DSG4: variants seen among roughly 807,000 people sequenced by gnomAD.
DSG4 encodes the protein desmoglein-4.
Under a neutral mutation model 93.1 loss-of-function variants are expected in DSG4, and 87 were observed. The observed-to-expected ratio is 0.93, with a 90% confidence interval of 0.79 to 1.12. The LOEUF is 1.12. DSG4 is among the 50% of genes most tolerant of loss of function. The probability of loss-of-function intolerance (pLI) is 0.00; values close to 1 mark genes in which losing one functional copy is unlikely to be tolerated. For missense variants in DSG4, 1,373 were observed against 1,285.7 expected (o/e 1.07, Z -1.04); for synonymous variants, 432 against 452.9 (o/e 0.95, Z 0.59).
rs113413186 is a variant in DSG4, at chr18:31,409,762, T to G, written c.2091T>G (p.Cys697Trp). The G allele has an allele frequency of 2.8e-5, 46 of 1,614,228 alleles. 1 individual carries two copies. The African/African-American group carries it at 3.3e-4, about 12-fold the overall frequency. ...HPEDRDVSNI[C>W]APMTASNTQD... ...CTTTTCAGGATGTGTCAAATATATGTGCACCCATGACAGCCTCAAATACCC... is the reference window on the plus strand; with the variant it reads ...CTTTTCAGGATGTGTCAAATATATGGGCACCCATGACAGCCTCAAATACCC... The change falls in exon 14 of 16, where the codon TGT (cysteine) becomes TGG (tryptophan). Residue 697 changes from cysteine (C) to tryptophan (W), a missense_variant. By Grantham distance (215) the Cys-to-Trp change is radical. Transcript: ENST00000308128.
chr18:31,411,189 A>T (rs373052321), intron 14 of DSG4, 42 bp from the exon 15 acceptor site: 2 of 1,614,158 alleles, frequency 1.2e-6, no homozygotes, highest in African/African-American at 2.7e-5. Context: ...TGCGCGCTGC[A>T]GGCAACTCCA....
At chr18:31,388,226 G>A in intron 3 of DSG4, 141 bp from the exon 4 acceptor site, 1 of 891,342 alleles carries the variant, frequency 1.1e-6, no homozygotes, top group Admixed American at 2.2e-5. Flanking sequence ...AATTTTCCAG[G>A]GTCACACAGG....
intron 8 of DSG4, among the ~76,000 whole-genome samples, chr18:31,398,448 T>G (rs1457683135): frequency 6.6e-6 from 1 of 152,246 alleles, no homozygotes; most frequent in Non-Finnish European, 1.5e-5. Context: ...AGCAGAGATT[T>G]ACCTCACAGA....
chr18:31,399,576 T>C (rs2144196008), intron 9 of DSG4, 33 bp downstream of exon 9: 1 of 1,613,260 alleles, frequency 6.2e-7, no homozygotes, highest in East Asian at 2.2e-5. Flanking sequence ...GTTCTATGGT[T>C]CTATCCAGTG....
At chr18:31,389,758 G>T (rs528153409) in intron 5 of DSG4, among the ~76,000 whole-genome samples, 133 of 152,132 alleles carry the variant, frequency 8.7e-4, no homozygotes, top group South Asian at 2.1e-3. Context: ...AAACAAATTT[G>T]GGGGGAAATA....
intron 1 of DSG4, among the ~76,000 whole-genome samples, chr18:31,379,305 A>G (rs1487856982): frequency 6.6e-6 from 1 of 152,192 alleles, no homozygotes; most frequent in Non-Finnish European, 1.5e-5. Context: ...GTATGGTTAG[A>G]CATGATGTTA....
chr18:31,413,453 A>C lies in DSG4; in HGVS notation c.2981A>C (p.Asn994Thr). ...EGCMGPVMSG[N>T]ILVGPEIQVM... is the part of the protein sequence containing the mutation. ...TGTATGGGACCTGTGATGAGCGGCA[A>C]TATTTTAGTAGGGCCAGAAATTCAA... is the stretch of plus-strand genomic sequence containing the variant. The change falls in exon 16 of 16, where the codon AAT (asparagine) becomes ACT (threonine). Residue 994 changes from asparagine to threonine, a missense_variant. Coordinates refer to ENST00000308128, the MANE Select transcript of DSG4 (RefSeq NM_177986.5). The C allele has an allele frequency of 6.2e-7, 1 of 1,612,270 alleles. No homozygotes were observed. The highest frequency in any genetic ancestry group is 8.5e-7 in the Non-Finnish European group (1 of 1,178,502).
chr18:31,392,401 A>G (rs1433356972), intron 8 of DSG4, 61 bp downstream of exon 8: 12 of 1,549,020 alleles, frequency 7.7e-6, no homozygotes, highest in Non-Finnish European at 1.1e-5. Flanking sequence ...GAAGTTTTAA[A>G]TGACCTTAGA....
intron 8 of DSG4, among the ~76,000 whole-genome samples, chr18:31,393,291 C>G (rs995959200): frequency 3.9e-5 from 6 of 152,134 alleles, no homozygotes; most frequent in African/African-American, 1.4e-4. Context: ...TTTCTCTATT[C>G]AAGCACATAA....
Position 31,401,057 on chromosome 18 carries a change from G to A in DSG4, c.1417+37G>A, listed in dbSNP as rs780650161. Reference sequence around the variant, plus strand: ...TATTTTCAGTATTTTAAGAAAACTAGTACTATTATATTAAATATTATGTTA... The same window carrying A: ...TATTTTCAGTATTTTAAGAAAACTAATACTATTATATTAAATATTATGTTA... On this transcript the variant is annotated intron_variant, in intron 10 of 15. Coordinates refer to ENST00000308128, the MANE Select transcript of DSG4 (RefSeq NM_177986.5). 6.7e-6 allele frequency: 10 copies of A among 1,491,874 alleles called. No homozygotes were observed. In the East Asian group the frequency reaches 2.1e-4, roughly 31 times the overall value. The allele number at this position is 1,491,874 out of a possible 1,614,324, so 92.4% of individuals were successfully genotyped here. A position where few individuals can be genotyped will look rare whatever the true frequency, so the allele number is the denominator to read the frequency against.
Position 31,400,876 on chromosome 18 carries a change from AAC to A in DSG4, c.1278-3_1278-2del, listed in dbSNP as rs770896800. 1 of 1,611,608 alleles carries A rather than the reference AAC, an allele frequency of 6.2e-7. No individual in the cohort carries two copies. Among genetic ancestry groups the A allele is most frequent in the East Asian group, 2.2e-5 (1 of 44,716 alleles). On this transcript the variant is annotated splice_region_variant and splice_polypyrimidine_tract_variant and intron_variant, in intron 9 of 15. Coordinates refer to ENST00000308128, the MANE Select transcript of DSG4 (RefSeq NM_177986.5). ...ATGATAACGAACTTTTTTATTTAAA[AAC>A]AGATATATCATAGGGCATGATGCAG...
At chr18:31,405,156 A>G (rs924789906) in intron 11 of DSG4, among the ~76,000 whole-genome samples, 7 of 152,240 alleles carry the variant, frequency 4.6e-5, no homozygotes, top group Non-Finnish European at 8.8e-5. Flanking sequence ...GCTATGGATC[A>G]ATCAGTTACT....
At chr18:31,386,973 A>G (rs944200566) in intron 3 of DSG4, among the ~76,000 whole-genome samples, 154 bp downstream of exon 3, 1 of 152,152 alleles carries the variant, frequency 6.6e-6, no homozygotes, top group Non-Finnish European at 1.5e-5. Flanking sequence ...TTTGAATATC[A>G]TGTGCAGGGA....
At chr18:31,400,174 C>G (rs559481963) in intron 9 of DSG4, among the ~76,000 whole-genome samples, 18 of 152,148 alleles carry the variant, frequency 1.2e-4, no homozygotes, top group Non-Finnish European at 2.4e-4. Context: ...TCTCTATCTC[C>G]TTTTCTTCTT....
In DSG4 at chr18:31,399,463, A is replaced by ATTCAATAAG; in HGVS notation, c.1197_1198insTTCAATAAG (p.Lys399_Gly400insPheAsnLys). 1.9e-6 allele frequency: 3 copies of ATTCAATAAG among 1,614,116 alleles called. No homozygotes were observed. Among genetic ancestry groups the ATTCAATAAG allele is most frequent in the Non-Finnish European group, 2.5e-6 (3 of 1,179,962 alleles). On this transcript the variant is annotated inframe_insertion, in exon 9 of 16. Coordinates refer to ENST00000308128, the MANE Select transcript of DSG4 (RefSeq NM_177986.5). ...CTTTTAGTGTGCGGGAAGGAATAAA[A>ATTCAATAAG]GGAAGTTCCTTATTGAATTATGTGC...
rs150566532 is a variant in DSG4, at chr18:31,384,052, A to G, written c.49-1084A>G. The stretch of plus-strand genomic sequence containing the variant: ...CTCTGCTACCAGAAAAAAAATTCCA[A>G]TGTCATCTATTAATATGAACAAGTT... On this transcript the variant is annotated intron_variant, in intron 1 of 15. Coordinates refer to ENST00000308128, the MANE Select transcript of DSG4 (RefSeq NM_177986.5). Among the ~76,000 whole-genome samples, 247 of 152,316 alleles carry G rather than the reference A, an allele frequency of 1.6e-3. 1 individual carries two copies. Among genetic ancestry groups the G allele is most frequent in the African/African-American group, 5.8e-3 (243 of 41,584 alleles).
rs536788516 is a variant in DSG4 at position 31,382,975 on chromosome 18, G to A, written c.49-2161G>A. 2.6e-5 allele frequency among the ~76,000 whole-genome samples: 4 copies of A among 152,288 alleles called. No individual in the cohort carries two copies. The East Asian group carries it at 5.8e-4, about 22-fold the overall frequency. ...AGAAAGGATAAGACCAAGGTAAAAT[G>A]AACTCAAAACTCCTCATCCGTTTAA... On this transcript the variant is annotated intron_variant, in intron 1 of 15. Transcript: ENST00000308128.
Position 31,376,905 on chromosome 18 carries a change from C to T in DSG4, c.-7C>T. The T allele has an allele frequency of 1.2e-6, 2 of 1,613,600 alleles. No individual in the cohort carries two copies. The highest frequency in any genetic ancestry group is 1.7e-6 in the Non-Finnish European group (2 of 1,179,700). On this transcript the variant is annotated 5_prime_UTR_variant, in exon 1 of 16. Coordinates refer to ENST00000308128, the MANE Select transcript of DSG4 (RefSeq NM_177986.5). ...ACAGGATTTGCGTGCAAGAGAAACC[C>T]AAAGGAATGGATTGGCTCTTCTTCA...
At position 31,391,217 on chromosome 18, in the gene DSG4, GT is replaced by G. The variant is rs2072245682; in HGVS notation, c.819+8del. The G allele has an allele frequency of 6.2e-7, 1 of 1,613,176 alleles. No homozygotes were observed. Among genetic ancestry groups the G allele is most frequent in the South Asian group, 1.1e-5 (1 of 91,070 alleles). ...CCCACCTTAGAGAAAACTTCAGTAA[GT>G]TTGTATTCTTATCTTCCTTTTTCCA... On this transcript the variant is annotated splice_donor_region_variant and intron_variant, in intron 7 of 15. Coordinates refer to ENST00000308128, the MANE Select transcript of DSG4 (RefSeq NM_177986.5).
Sources: allele counts gnomAD v4.1 joint callset (sites outside exome capture counted in the v4.1 genomes callset), GRCh38; gene constraint gnomAD v4.1.1; transcripts MANE v1.5; gene names NCBI Gene and HGNC (gene_info 2026-07-23, HGNC 2026-07-21).